Variants in GPBP1L1 observed in about 807,000 individuals in gnomAD.
The protein encoded by GPBP1L1 is GC-rich promoter binding protein 1 like 1, also known as vasculin-like protein 1.
In GPBP1L1, 23 loss-of-function variants were observed where a neutral mutation model predicts 52.5. That is an observed-to-expected ratio of 0.44 (90% CI 0.32 to 0.62). The LOEUF is 0.62. Among genes scored for constraint, GPBP1L1 ranks in the 20% least tolerant of loss-of-function variants. The pLI is 0.06. For missense variants in GPBP1L1, 596 were observed against 579.3 expected (o/e 1.03, Z -0.30); for synonymous variants, 243 against 203.1 (o/e 1.20, Z -1.67).
In GPBP1L1 at chr1:45,654,786, G is replaced by A. The variant is rs149989036; in HGVS notation, c.234C>T (p.Asp78=). The A allele has an allele frequency of 6.9e-5, 111 of 1,614,152 alleles. No homozygotes were observed. The highest frequency in any genetic ancestry group is 2.5e-4 in the South Asian group (23 of 91,084). The change falls in exon 6 of 13, where the codon GAC becomes GAT. Residue 78 remains aspartate, a synonymous_variant. Coordinates refer to ENST00000355105, the MANE Select transcript of GPBP1L1 (RefSeq NM_021639.5). ...CATATGCTCCCTTAGAGACACCAGA[G>A]TCCACAGAATCATGGCGGAACAGGG... The part of the protein sequence containing the change: ...QPSLFRHDSV[D]SGVSKGAYAG...
At chr1:45,671,157 T>C (rs1228107672) in intron 2 of GPBP1L1, among the ~76,000 whole-genome samples, 1 of 149,098 alleles carries the variant, frequency 6.7e-6, no homozygotes, top group Non-Finnish European at 1.5e-5. Flanking sequence ...AGCAAGGCCA[T>C]CTCCCCTCAT....
At chr1:45,675,212 G>A (rs369324618) in intron 2 of GPBP1L1, among the ~76,000 whole-genome samples, 3 of 152,036 alleles carry the variant, frequency 2.0e-5, no homozygotes, top group South Asian at 2.1e-4. Context: ...CAGGAGAATC[G>A]CTTGAACCCA....
intron 12 of GPBP1L1, 117 bp downstream of exon 12, chr1:45,629,459 C>CG: frequency 1.3e-5 from 1 of 77,708 alleles, no homozygotes. Context: ...GGTAATCCCC[C>CG]CCCCCCCCAC....
intron 6 of GPBP1L1, 108 bp downstream of exon 6, chr1:45,654,435 C>T (rs1644857538): frequency 1.8e-6 from 2 of 1,131,744 alleles, no homozygotes; most frequent in African/African-American, 3.1e-5. Context: ...CCTCAACTTA[C>T]AAATTCCTTT....
chr1:45,630,682 G>C, intron 10 of GPBP1L1, 76 bp from the exon 11 acceptor site: 1 of 1,516,192 alleles, frequency 6.6e-7, no homozygotes, highest in South Asian at 1.2e-5. Context: ...TGAAATCAAG[G>C]ACTCACGACC....
intron 6 of GPBP1L1, chr1:45,646,060 T>TGG (rs1259198262): frequency 4.1e-6 from 2 of 488,782 alleles, no homozygotes; most frequent in Non-Finnish European, 8.0e-6. Flanking sequence ...AATTTGCCAA[T>TGG]GTAACGATGC....
At position 45,629,621 on chromosome 1, in the gene GPBP1L1, G is replaced by A; in HGVS notation, c.1227C>T (p.Pro409=). 6.2e-7 allele frequency: 1 copy of A among 1,613,590 alleles called. No homozygotes were observed. Among genetic ancestry groups the A allele is most frequent in the Non-Finnish European group, 8.5e-7 (1 of 1,179,534 alleles). ...EYPENDENCL[P]LTEDELKEFH... ...ACTCTTTGAGCTCATCCTCTGTGAG[G>A]GGAAGGCAATTCTCATCATTTTCAG... The change falls in exon 12 of 13, where the codon CCC becomes CCT. Residue 409 remains proline (P), a synonymous_variant. Transcript: ENST00000355105.
At chr1:45,638,241 G>A (rs553211128) in intron 8 of GPBP1L1, among the ~76,000 whole-genome samples, 21 of 152,248 alleles carry the variant, frequency 1.4e-4, no homozygotes, top group African/African-American at 4.8e-4. Flanking sequence ...TCTTCCAACA[G>A]ACTTCCTCAT....
At position 45,640,385 on chromosome 1, in the gene GPBP1L1, T is replaced by C. The variant is rs769141497; in HGVS notation, c.569A>G (p.Lys190Arg). ...SGVWENPPSAKQPSKMLVIKK... is the reference protein window; with the variant it reads ...SGVWENPPSARQPSKMLVIKK... Reference sequence around the variant, plus strand: ...GATAACTAGCATCTTGGAGGGTTGCTTGGCACTAGGCGGGTTTTCTGTGAA... The same window carrying C: ...GATAACTAGCATCTTGGAGGGTTGCCTGGCACTAGGCGGGTTTTCTGTGAA... Residue 190 changes from lysine to arginine, a missense_variant, in exon 8 of 13, where the codon AAG becomes AGG. Transcript: ENST00000355105. 4 of 1,613,874 alleles carry C rather than the reference T, an allele frequency of 2.5e-6. No individual in the cohort carries two copies. Among genetic ancestry groups the C allele is most frequent in the African/African-American group, 1.3e-5 (1 of 75,046 alleles).
intron 9 of GPBP1L1, 89 bp from the exon 10 acceptor site, chr1:45,633,736 G>T: frequency 7.6e-7 from 1 of 1,323,744 alleles, no homozygotes; most frequent in Non-Finnish European, 1.0e-6. Context: ...CAAGAATCTG[G>T]TAGCCTATTT....
chr1:45,640,842 T>C (rs750849907), intron 7 of GPBP1L1, among the ~76,000 whole-genome samples: 1 of 151,618 alleles, frequency 6.6e-6, no homozygotes, highest in African/African-American at 2.4e-5. Flanking sequence ...CTGTGGCAAA[T>C]CCCCATCTTT....
At chr1:45,650,764 C>T (rs997069046) in intron 6 of GPBP1L1, among the ~76,000 whole-genome samples, 2 of 152,180 alleles carry the variant, frequency 1.3e-5, no homozygotes, top group African/African-American at 2.4e-5. Context: ...TTCTGCTCTA[C>T]ACCTCCCTTC....
In GPBP1L1 at chr1:45,629,601, T is replaced by C. The variant is rs374946861; in HGVS notation, c.1247A>G (p.Lys416Arg). 3.7e-6 allele frequency: 6 copies of C among 1,612,000 alleles called. No individual in the cohort carries two copies. Among genetic ancestry groups the C allele is most frequent in the East Asian group, 2.2e-5 (1 of 44,872 alleles). Reference protein sequence around the residue: ...NCLPLTEDELKEFHMKTEQLR... With the variant: ...NCLPLTEDELREFHMKTEQLR... The stretch of plus-strand genomic sequence containing the variant: ...CTGCTCTGTCTTCATGTGGAACTCT[T>C]TGAGCTCATCCTCTGTGAGGGGAAG... Residue 416 changes from lysine to arginine, a missense_variant, in exon 12 of 13, where the codon AAA becomes AGA. Transcript: ENST00000355105.
chr1:45,636,134 A>C (rs6694889), intron 8 of GPBP1L1, among the ~76,000 whole-genome samples: 43,137 of 152,028 alleles, frequency 0.28, 6,254 homozygotes, highest in South Asian at 0.37. Flanking sequence ...CTTATATTAC[A>C]AAGGCCAGCT....
intron 6 of GPBP1L1, among the ~76,000 whole-genome samples, chr1:45,653,626 C>T (rs549820187): frequency 1.8e-3 from 270 of 152,162 alleles, no homozygotes; most frequent in Non-Finnish European, 2.7e-3. Flanking sequence ...TCTGAAAGTG[C>T]TGGGATTACA....
Position 45,660,234 on chromosome 1 carries a change from G to A in GPBP1L1, c.-106C>T, listed in dbSNP as rs1026238580. On this transcript the variant is annotated 5_prime_UTR_variant, in exon 3 of 13. Coordinates refer to ENST00000355105, the MANE Select transcript of GPBP1L1 (RefSeq NM_021639.5). ...GTTTCTGAACTCGAGTCGGCCAGCT[G>A]GATCTCCCACAAGGTTTCCTTGTTA... The A allele has an allele frequency of 8.3e-5, 82 of 985,240 alleles. No homozygotes were observed. The highest frequency in any genetic ancestry group is 9.4e-5 in the Non-Finnish European group (78 of 829,920). The allele number at this position is 985,240 out of a possible 1,614,324, so 61.0% of individuals were successfully genotyped here.
intron 8 of GPBP1L1, among the ~76,000 whole-genome samples, chr1:45,636,314 C>T (rs1349338805): frequency 6.6e-6 from 1 of 152,154 alleles, no homozygotes; most frequent in East Asian, 1.9e-4. Flanking sequence ...ATTCCAGACT[C>T]AGTACTCTTC....
chr1:45,659,654 ATCT>A (rs1300932956), intron 3 of GPBP1L1, among the ~76,000 whole-genome samples: 1 of 152,162 alleles, frequency 6.6e-6, no homozygotes, highest in Non-Finnish European at 1.5e-5. Flanking sequence ...AGTAGAAAAG[ATCT>A]TCTTGGCTGG....
At chr1:45,646,316 A>G (rs976953269) in intron 6 of GPBP1L1, 2 of 183,118 alleles carry the variant, frequency 1.1e-5, no homozygotes, top group Non-Finnish European at 1.1e-5. Context: ...TTTGGCTCAC[A>G]TTTTCTTTAT....
Sources: allele counts gnomAD v4.1 joint callset (sites outside exome capture counted in the v4.1 genomes callset), GRCh38; gene constraint gnomAD v4.1.1; transcripts MANE v1.5; gene names NCBI Gene and HGNC (gene_info 2026-07-23, HGNC 2026-07-21).